Variants in ZNF33B observed in about 807,000 individuals in gnomAD.
The protein encoded by ZNF33B is zinc finger protein 11b (KOX 2).
In ZNF33B, 29 loss-of-function variants were observed where a neutral mutation model predicts 45.8. The observed-to-expected ratio is 0.63, with a 90% CI of 0.47 to 0.86. The LOEUF (loss-of-function observed/expected upper bound fraction) is 0.86. Ranked by LOEUF, ZNF33B falls within the 40% of genes least tolerant of loss-of-function variation. ZNF33B has a pLI of 0.00. For synonymous variants in ZNF33B, 305 were observed against 307.8 expected (o/e 0.99, Z 0.10); for missense variants, 831 against 909.9 (o/e 0.91, Z 1.12).
chr10:42,617,383 C>T (rs1438476402), intron 4 of ZNF33B, among the ~76,000 whole-genome samples: 1 of 151,978 alleles, frequency 6.6e-6, no homozygotes, highest in Non-Finnish European at 1.5e-5. Flanking sequence ...AAATTACAGG[C>T]ATTTGCCACC....
chr10:42,590,541 C>G lies in ZNF33B; in HGVS notation c.*2072G>C, dbSNP rs557829553. 6.6e-6 allele frequency: 1 copy of G among 152,090 alleles called. No homozygotes were observed. Among genetic ancestry groups the G allele is most frequent in the Non-Finnish European group, 1.5e-5 (1 of 68,030 alleles). The allele number at this position is 152,090 out of a possible 1,614,324, so 9.4% of individuals were successfully genotyped here. A position where few individuals can be genotyped will look rare whatever the true frequency, so the allele number is the denominator to read the frequency against. ...CTTGGACTATACACGCATGCCACCA[C>G]GCCCGGCTAACTTTTTGTATTTTTA... is the stretch of plus-strand genomic sequence containing the variant. On this transcript the variant is annotated 3_prime_UTR_variant, in exon 5 of 5. Transcript: ENST00000359467.
At chr10:42,603,952 G>A (rs1169301402) in intron 4 of ZNF33B, among the ~76,000 whole-genome samples, 3 of 152,094 alleles carry the variant, frequency 2.0e-5, no homozygotes, top group Non-Finnish European at 4.4e-5. Flanking sequence ...ACAACAACAA[G>A]CCCTAGAGAG....
At chr10:42,616,972 G>C (rs1306103854) in intron 4 of ZNF33B, among the ~76,000 whole-genome samples, 1 of 151,776 alleles carries the variant, frequency 6.6e-6, no homozygotes, top group East Asian at 1.9e-4. Context: ...GGGATTACAG[G>C]CATGAACCAA....
In ZNF33B at chr10:42,592,976, G is replaced by C. The variant is rs1172770264; in HGVS notation, c.1974C>G (p.Thr658=). The C allele has an allele frequency of 3.1e-6, 5 of 1,613,342 alleles. No homozygotes were observed. Among genetic ancestry groups the C allele is most frequent in the East Asian group, 2.2e-5 (1 of 44,784 alleles). The change falls in exon 5 of 5, where the codon ACC becomes ACG. Residue 658 remains threonine (T), a synonymous_variant. Coordinates refer to ENST00000359467, the MANE Select transcript of ZNF33B (RefSeq NM_006955.3). ...HKSALIVHQR[T]HTQEKPYKCN... is the part of the protein sequence containing the mutation. ...ATTTATAAGGCTTTTCTTGTGTATG[G>C]GTTCTCTGATGTACAATTAGAGCTG...
At chr10:42,636,114 C>T (rs1468059292) in intron 2 of ZNF33B, among the ~76,000 whole-genome samples, 2 of 151,564 alleles carry the variant, frequency 1.3e-5, no homozygotes, top group African/African-American at 4.9e-5. Flanking sequence ...GGCAACAGAG[C>T]GAGACTCTGT....
chr10:42,601,669 T>C, intron 4 of ZNF33B, among the ~76,000 whole-genome samples: 1 of 151,684 alleles, frequency 6.6e-6, no homozygotes, highest in Non-Finnish European at 1.5e-5. Flanking sequence ...AGACAGGGTT[T>C]TGCCACGTTC....
intron 4 of ZNF33B, among the ~76,000 whole-genome samples, chr10:42,617,102 T>C (rs1414932691): frequency 8.3e-6 from 1 of 120,352 alleles, no homozygotes; most frequent in African/African-American, 3.6e-5. Context: ...CTTTTTTTTT[T>C]TTTTTTTTTT....
At chr10:42,576,613 G>A (rs533598630) in intron 1 of ZNF33B, among the ~76,000 whole-genome samples, 10 of 152,132 alleles carry the variant, frequency 6.6e-5, no homozygotes, top group East Asian at 1.9e-4. Flanking sequence ...GTTACTGTGC[G>A]CACCCATCAT....
rs1429646526 is a variant in ZNF33B, at chr10:42,593,177, G to A, written c.1773C>T (p.Tyr591=). Residue 591 remains tyrosine (Y), a synonymous_variant, in exon 5 of 5, where the codon TAC becomes TAT. Transcript: ENST00000359467. ...TATGTTTTGTTAGGTATGATTTATT[G>A]TAAAAGATTTTTCCACATTCATGAC... is the stretch of plus-strand genomic sequence containing the variant. ...YECHECGKIF[Y]NKSYLTKHNR... 17 of 1,609,826 alleles carry A rather than the reference G, an allele frequency of 1.1e-5. No individual in the cohort carries two copies. The highest frequency in any genetic ancestry group is 1.4e-5 in the Non-Finnish European group (16 of 1,178,790).
chr10:42,575,742 T>A lies in ZNF33B; in HGVS notation c.74-1064A>T, dbSNP rs1308138008. The stretch of plus-strand genomic sequence containing the variant: ...TATATATATATACATATATATTTTT[T>A]TTTTTTGAGACAGAGTCTCACTGTG... On this transcript the variant is annotated intron_variant, in intron 1 of 1. Transcript: ENST00000462075. 1.0e-4 allele frequency among the ~76,000 whole-genome samples: 15 copies of A among 148,950 alleles called. No individual in the cohort carries two copies. The East Asian group carries it at 2.4e-3, about 24-fold the overall frequency.
In ZNF33B at chr10:42,592,915, C is replaced by A. The variant is rs777869370; in HGVS notation, c.2035G>T (p.Gly679Ter). 27 of 1,606,992 alleles carry A rather than the reference C, an allele frequency of 1.7e-5. No homozygotes were observed. The highest frequency in any genetic ancestry group is 2.1e-5 in the Non-Finnish European group (25 of 1,177,832). The change falls in exon 5 of 5, where the codon GGA (glycine) becomes TGA (stop). Residue 679 changes from glycine to a stop codon, truncating the protein, a stop_gained. Coordinates refer to ENST00000359467, the MANE Select transcript of ZNF33B (RefSeq NM_006955.3). LOFTEE classifies it high-confidence loss of function. Reference sequence around the variant, plus strand: ...TGCTTTCTCTCATGTAAAATAAGTCCTGACTTCACACAGAAAGATTTTCCA... The same window carrying A: ...TGCTTTCTCTCATGTAAAATAAGTCATGACTTCACACAGAAAGATTTTCCA... ...ECGKSFCVKS[G>*]LILHERKHTG...
intron 4 of ZNF33B, among the ~76,000 whole-genome samples, chr10:42,600,816 C>T (rs1837588507): frequency 6.6e-6 from 1 of 152,130 alleles, no homozygotes; most frequent in Non-Finnish European, 1.5e-5. Context: ...ATAAACCCCA[C>T]AATACATTTG....
intron 2 of ZNF33B, 34 bp downstream of exon 2, chr10:42,636,886 G>A (rs955209116): frequency 9.3e-6 from 15 of 1,613,612 alleles, no homozygotes; most frequent in East Asian, 4.5e-5. Context: ...AAAGTCCACC[G>A]CAAAATAAAG....
At chr10:42,618,305 A>G (rs1485000447) in intron 4 of ZNF33B, among the ~76,000 whole-genome samples, 1 of 152,208 alleles carries the variant, frequency 6.6e-6, no homozygotes, top group Admixed American at 6.5e-5. Context: ...ACTGGGTAAC[A>G]CTTCATGGTA....
intron 4 of ZNF33B, among the ~76,000 whole-genome samples, chr10:42,619,609 C>T (rs1246341098): frequency 3.3e-5 from 5 of 152,104 alleles, no homozygotes; most frequent in African/African-American, 1.2e-4. Context: ...ATTATGTTTG[C>T]TTTGTAACTC....
chr10:42,614,215 T>C (rs1838220324), intron 4 of ZNF33B: 1 of 154,952 alleles, frequency 6.5e-6, no homozygotes, highest in African/African-American at 2.4e-5. Flanking sequence ...TTCCCCAAAA[T>C]CTATAATTCC....
chr10:42,616,745 G>A (rs1357058591), intron 4 of ZNF33B, among the ~76,000 whole-genome samples: 1 of 152,118 alleles, frequency 6.6e-6, no homozygotes, highest in East Asian at 1.9e-4. Flanking sequence ...CGCCAGGCTG[G>A]AGTGTCGTGG....
At chr10:42,616,146 T>G (rs1291576467) in intron 4 of ZNF33B, among the ~76,000 whole-genome samples, 1 of 151,756 alleles carries the variant, frequency 6.6e-6, no homozygotes, top group Non-Finnish European at 1.5e-5. Context: ...GCAGGAGAAT[T>G]GGCTTGAATC....
downstream of ZNF33B, among the ~76,000 whole-genome samples, chr10:42,587,394 A>C (rs1369186416): frequency 6.6e-6 from 1 of 151,988 alleles, no homozygotes; most frequent in East Asian, 1.9e-4. Flanking sequence ...ACGGGGTTTC[A>C]CCATATTGGC....
Sources: gnomAD v4.1 joint callset for allele counts (sites outside exome capture counted in the v4.1 genomes callset) on GRCh38, gnomAD v4.1.1 for gene constraint, MANE v1.5 for transcripts, NCBI Gene and HGNC (gene_info 2026-07-23, HGNC 2026-07-21) for gene names.